The following SPON1 variants were observed in gnomAD, a reference collection of about 807,000 sequenced individuals.
SPON1 encodes spondin 1, also known as spondin-1.
A neutral mutation model predicts 111.7 loss-of-function variants in SPON1; 52 were observed. The observed-to-expected ratio is 0.47, with a 90% CI of 0.37 to 0.59. SPON1 has a LOEUF of 0.59. Ranked by LOEUF, SPON1 falls within the 20% of genes least tolerant of loss-of-function variation. The pLI, the probability that SPON1 is intolerant of heterozygous loss-of-function variation, is 0.00. For missense variants in SPON1, 957 were observed against 1,068.5 expected (o/e 0.90, Z 1.46); for synonymous variants, 410 against 395.8 (o/e 1.04, Z -0.43).
chr11:14,044,507 G>C (rs1591360170), intron 3 of SPON1, among the ~76,000 whole-genome samples: 1 of 152,206 alleles, frequency 6.6e-6, no homozygotes, highest in South Asian at 2.1e-4. Flanking sequence ...AGATACTCGG[G>C]AGGCTGAGGC....
Position 14,224,438 on chromosome 11 carries a change from T to TA in SPON1, c.826-18886dup, listed in dbSNP as rs201318449. On this transcript the variant is annotated intron_variant, in intron 6 of 15. Coordinates refer to ENST00000576479, the MANE Select transcript of SPON1 (RefSeq NM_006108.4). ...AGATGGTAGTTTATGCAAAGAAGCT[T>TA]AAAAAAAACAAAAGCTATGTGGTTC... Among the ~76,000 whole-genome samples, 263 of 151,832 alleles carry TA rather than the reference T, an allele frequency of 1.7e-3. 5 individuals are homozygous for TA. The East Asian group carries it at 0.026, about 15-fold the overall frequency.
At position 14,259,557 on chromosome 11, in the gene SPON1, G is replaced by A. The variant is rs781901069; in HGVS notation, c.1687G>A (p.Glu563Lys). The change falls in exon 13 of 16, where the codon GAG becomes AAG. Residue 563 changes from glutamate to lysine, a missense_variant. By Grantham distance (56) the Glu-to-Lys change is moderately conservative. Around this residue, in one of 5 missense-constraint regions of SPON1, gnomAD observed 549 missense variants for 606.2 expected, o/e 0.91. Transcript: ENST00000576479. This position sits in a 1 kb window ranked among gnomAD's most constrained non-coding sequence, Gnocchi z 5.0. ...AGCTCCCAGCAGCTGCCTGATGACC[G>A]AGTGGGGCGAGTGGGACGAGTGCAG... is the stretch of plus-strand genomic sequence containing the variant. ...ECSPSSCLMT[E>K]WGEWDECSAT... The A allele has an allele frequency of 7.1e-6, 11 of 1,553,416 alleles. No homozygotes were observed. Among genetic ancestry groups the A allele is most frequent in the East Asian group, 2.4e-5 (1 of 41,092 alleles).
chr11:13,967,567 G>C (rs1848028019), intron 1 of SPON1, among the ~76,000 whole-genome samples: 1 of 150,506 alleles, frequency 6.6e-6, no homozygotes, highest in African/African-American at 2.4e-5. Context: ...AAACAGATTT[G>C]ACTGTTGTTT....
chr11:13,995,269 GT>G (rs781943610), intron 2 of SPON1, among the ~76,000 whole-genome samples: 1 of 150,500 alleles, frequency 6.6e-6, no homozygotes, highest in African/African-American at 2.5e-5. Flanking sequence ...ACTAGGCTCT[GT>G]GATATGGAGA....
chr11:14,162,876 T>C (rs1490536397), intron 6 of SPON1, among the ~76,000 whole-genome samples: 3 of 152,190 alleles, frequency 2.0e-5, no homozygotes, highest in South Asian at 2.1e-4. Context: ...GCTCTGTCAG[T>C]GTTTATAATA....
Position 14,002,800 on chromosome 11 carries a change from A to C in SPON1, c.345+19847A>C, listed in dbSNP as rs1848328966. ...GGAGAGAGAATCAGGGAACCAGGGC[A>C]CTGTTGAGAAAGCTGGTCAGGGGTT... On this transcript the variant is annotated intron_variant, in intron 2 of 15. Transcript: ENST00000576479. Among the ~76,000 whole-genome samples, 3 of 152,244 alleles carry C rather than the reference A, an allele frequency of 2.0e-5. No homozygotes were observed. In the South Asian group the frequency reaches 6.2e-4, roughly 32 times the overall value.
rs1011938764 is a variant in SPON1, at chr11:14,267,502, A to G, written c.*1815A>G. On this transcript the variant is annotated 3_prime_UTR_variant, in exon 16 of 16. Transcript: ENST00000576479. ...TTTGCAATGTTGTTCTAAGCTATCT[A>G]TCTAACTCTCAGCCCATGATAAAGT... 23 of 152,230 alleles carry G rather than the reference A, an allele frequency of 1.5e-4. No individual in the cohort carries two copies. The highest frequency in any genetic ancestry group is 7.7e-4 in the East Asian group (4 of 5,200). 9.4% of individuals were successfully genotyped at this position (152,230 alleles called of 1,614,324 possible). A position where few individuals can be genotyped will look rare whatever the true frequency, so the allele number is the denominator to read the frequency against.
chr11:13,974,327 C>G (rs782760252), intron 1 of SPON1, among the ~76,000 whole-genome samples: 3 of 152,116 alleles, frequency 2.0e-5, no homozygotes, highest in Non-Finnish European at 2.9e-5. Flanking sequence ...ATGGCAGGGG[C>G]TGGCCATAGG....
At chr11:14,232,783 G>T (rs1023582108) in intron 6 of SPON1, among the ~76,000 whole-genome samples, 2 of 152,168 alleles carry the variant, frequency 1.3e-5, no homozygotes, top group African/African-American at 4.8e-5. Context: ...CTCAAAAAGC[G>T]CTGTCTGGGC....
At chr11:14,112,638 C>G (rs1308995197) in intron 5 of SPON1, among the ~76,000 whole-genome samples, 1 of 152,178 alleles carries the variant, frequency 6.6e-6, no homozygotes, top group African/African-American at 2.4e-5. Flanking sequence ...TTTTCATGAT[C>G]TATTTCTTGC....
At chr11:14,166,569 G>A (rs1554931877) in intron 6 of SPON1, among the ~76,000 whole-genome samples, 1 of 152,086 alleles carries the variant, frequency 6.6e-6, no homozygotes, top group East Asian at 1.9e-4. Flanking sequence ...ATCATAAACT[G>A]CCTTTTGAAA....
intron 6 of SPON1, among the ~76,000 whole-genome samples, chr11:14,160,632 T>C (rs186085306): frequency 3.1e-5 from 1 of 32,208 alleles, no homozygotes; most frequent in Non-Finnish European, 5.2e-5. Context: ...TATATATTTA[T>C]ATATATTTAC....
At chr11:14,179,084 T>A (rs1241208762) in intron 6 of SPON1, among the ~76,000 whole-genome samples, 2 of 152,210 alleles carry the variant, frequency 1.3e-5, no homozygotes, top group African/African-American at 2.4e-5. Context: ...GTGGTCTCTA[T>A]TTGTACTGAT....
Position 13,978,204 on chromosome 11 carries a change from C to T in SPON1, c.239-4643C>T, listed in dbSNP as rs1848117197. 2.0e-5 allele frequency among the ~76,000 whole-genome samples: 3 copies of T among 152,226 alleles called. No homozygotes were observed. The South Asian group carries it at 6.3e-4, about 32-fold the overall frequency. On this transcript the variant is annotated intron_variant, in intron 1 of 15. Transcript: ENST00000576479. The stretch of plus-strand genomic sequence containing the variant: ...GTATAAGCCCTTCAATTTTGCACTT[C>T]TTTCATTAAGATTGTCTTGGACAAT...
At chr11:14,263,008 C>G (rs1554942083) in intron 15 of SPON1, 33 bp downstream of exon 15, 6 of 1,605,038 alleles carry the variant, frequency 3.7e-6, no homozygotes, top group Non-Finnish European at 5.1e-6. Context: ...TGGGTGGTCT[C>G]CAGGACAGGC....
Position 14,135,696 on chromosome 11 carries a change from G to C in SPON1, c.825+128G>C. On this transcript the variant is annotated intron_variant, in intron 6 of 15. Coordinates refer to ENST00000576479, the MANE Select transcript of SPON1 (RefSeq NM_006108.4). The surrounding 1 kb of genome is among the most constrained non-coding windows in gnomAD (Gnocchi z 4.4). ...GAAGAAAATCTATTTGCTGAGTTTG[G>C]GGGTTTTATGTTAAGTAGAGGACAG... is the stretch of plus-strand genomic sequence containing the variant. 2 of 934,528 alleles carry C rather than the reference G, an allele frequency of 2.1e-6. No homozygotes were observed. Among genetic ancestry groups the C allele is most frequent in the Non-Finnish European group, 1.6e-6 (1 of 623,964 alleles). 57.9% of individuals were successfully genotyped at this position (934,528 alleles called of 1,614,324 possible).
chr11:13,986,488 C>G (rs192974585), intron 2 of SPON1, among the ~76,000 whole-genome samples: 14 of 152,084 alleles, frequency 9.2e-5, no homozygotes, highest in African/African-American at 3.4e-4. Flanking sequence ...GAATATTTAT[C>G]ATTTCTATGT....
At position 14,245,052 on chromosome 11, in the gene SPON1, C is replaced by T. The variant is rs115125194; in HGVS notation, c.890+1656C>T. Among the ~76,000 whole-genome samples, 652 of 152,306 alleles carry T rather than the reference C, an allele frequency of 4.3e-3. 2 individuals are homozygous for T. Among genetic ancestry groups the T allele is most frequent in the African/African-American group, 0.015 (605 of 41,562 alleles). ...GCCAGCCCCTCTAGGGAGTAGTCTA[C>T]ATCCATTAACACCCGTATTGAAGAC... On this transcript the variant is annotated intron_variant, in intron 7 of 15. Coordinates refer to ENST00000576479, the MANE Select transcript of SPON1 (RefSeq NM_006108.4).
At chr11:14,084,844 A>G (rs1848992703) in intron 5 of SPON1, among the ~76,000 whole-genome samples, 1 of 152,140 alleles carries the variant, frequency 6.6e-6, no homozygotes, top group African/African-American at 2.4e-5. Flanking sequence ...CACTATTCTA[A>G]CTGGCATGAG....
Sources: allele counts gnomAD v4.1 joint callset (sites outside exome capture counted in the v4.1 genomes callset), GRCh38; gene constraint gnomAD v4.1.1; regional missense constraint gnomAD v4.1.1; non-coding constraint Gnocchi (gnomAD v3.1); transcripts MANE v1.5; gene names NCBI Gene and HGNC (gene_info 2026-07-23, HGNC 2026-07-21).